INTS7: variants seen among roughly 807,000 people sequenced by gnomAD.
INTS7 encodes integrator complex subunit 7.
INTS7 carries 46 observed loss-of-function variants against 109.2 expected under a neutral mutation model. The ratio of observed to expected loss-of-function variants is 0.42; its 90% confidence interval spans 0.33 to 0.54. The LOEUF is 0.54. INTS7 is among the 20% of genes least tolerant of loss of function. The pLI, the probability that INTS7 is intolerant of heterozygous loss-of-function variation, is 0.07. For synonymous variants in INTS7, 412 were observed against 402.9 expected, an observed-to-expected ratio of 1.02 and a Z score of -0.27; for missense variants, 929 against 1,132.4, an observed-to-expected ratio of 0.82 and a Z score of 2.58.
At chr1:212,020,341 A>G (rs1666635075) in intron 2 of INTS7, 73 bp from the exon 3 acceptor site, 4 of 875,366 alleles carry the variant, frequency 4.6e-6, no homozygotes, top group Middle Eastern at 3.6e-4. Flanking sequence ...AACACTAATA[A>G]TATTAAATTT....
At chr1:211,963,932 T>A (rs1365065377) in intron 16 of INTS7, among the ~76,000 whole-genome samples, 1 of 151,974 alleles carries the variant, frequency 6.6e-6, no homozygotes. Context: ...AAAACCGGCA[T>A]AACAAAAGGA....
At chr1:211,948,084 G>GC (rs2102381998) in intron 17 of INTS7, among the ~76,000 whole-genome samples, 1 of 152,238 alleles carries the variant, frequency 6.6e-6, no homozygotes, top group East Asian at 1.9e-4. Flanking sequence ...ACTGCTGCAT[G>GC]CACCATGTGG....
chr1:211,984,537 T>C (rs888562690), intron 8 of INTS7, among the ~76,000 whole-genome samples: 1 of 152,174 alleles, frequency 6.6e-6, no homozygotes, highest in African/African-American at 2.4e-5. Flanking sequence ...ATATTCTGCT[T>C]TTAAAATCTA....
chr1:211,974,614 T>C (rs1014231023), intron 13 of INTS7, among the ~76,000 whole-genome samples: 1 of 152,102 alleles, frequency 6.6e-6, no homozygotes, highest in Non-Finnish European at 1.5e-5. Flanking sequence ...GGTTCCTACT[T>C]AGGAATATAA....
intron 1 of INTS7, among the ~76,000 whole-genome samples, chr1:212,023,877 C>CTTGAG (rs200990918): frequency 0.017 from 2,590 of 152,166 alleles, 65 homozygotes; most frequent in African/African-American, 0.058. Flanking sequence ...TTTAATCCAC[C>CTTGAG]TTAATTTTTG....
rs773865685 is a variant in INTS7, at chr1:211,987,904, A to T, written c.979T>A (p.Tyr327Asn). Residue 327 changes from tyrosine to asparagine, a missense_variant, in exon 8 of 20, where the codon TAC (tyrosine) becomes AAC (asparagine). Physicochemically the swap from Tyr to Asn is moderately radical, Grantham distance 143. Around this residue, in one of 2 missense-constraint regions of INTS7, gnomAD observed 787 missense variants for 901.1 expected, o/e 0.87. Transcript: ENST00000366994. Reference sequence around the variant, plus strand: ...TCCTTACCTGGAACTATACTGAAGTAATGTTTGATGGCGATGGTCCCTGAT... The same window carrying T: ...TCCTTACCTGGAACTATACTGAAGTTATGTTTGATGGCGATGGTCCCTGAT... ...TLSGTIAIKHYFSIVPGNVSS... is the reference protein window; with the variant it reads ...TLSGTIAIKHNFSIVPGNVSS... The T allele has an allele frequency of 1.3e-6, 2 of 1,590,320 alleles. No individual in the cohort carries two copies. The highest frequency in any genetic ancestry group is 2.2e-5 in the South Asian group (2 of 90,436).
chr1:212,016,378 T>C (rs1191715144), intron 4 of INTS7, among the ~76,000 whole-genome samples: 1 of 152,214 alleles, frequency 6.6e-6, no homozygotes, highest in African/African-American at 2.4e-5. Context: ...AATAAAACCA[T>C]GGTCAACATT....
In INTS7 at chr1:211,952,589, A is replaced by C; in HGVS notation, c.2296T>G (p.Tyr766Asp). 1.2e-6 allele frequency: 2 copies of C among 1,613,194 alleles called. No homozygotes were observed. The highest frequency in any genetic ancestry group is 1.7e-6 in the Non-Finnish European group (2 of 1,179,700). Reference protein sequence around the residue: ...LEEVESLNRKYTPVSYMHTAC... With the variant: ...LEEVESLNRKDTPVSYMHTAC... Reference sequence around the variant, plus strand: ...CTTGCCATATAAGAAACAGGGGTATATTTCCGATTGAGTGATTCTACCTCC... The same window carrying C: ...CTTGCCATATAAGAAACAGGGGTATCTTTCCGATTGAGTGATTCTACCTCC... Residue 766 changes from tyrosine to aspartate, a missense_variant, in exon 17 of 20, where the codon TAT (tyrosine) becomes GAT (aspartate). By Grantham distance (160) the Tyr-to-Asp change is radical (BLOSUM62 -3). Around this residue, in one of 2 missense-constraint regions of INTS7, gnomAD observed 787 missense variants for 901.1 expected, o/e 0.87. Transcript: ENST00000366994.
chr1:212,010,805 C>G (rs968487126), intron 5 of INTS7, among the ~76,000 whole-genome samples: 1 of 152,148 alleles, frequency 6.6e-6, no homozygotes, highest in Non-Finnish European at 1.5e-5. Context: ...CCTAAGTGTA[C>G]AGTTGGCTAT....
intron 13 of INTS7, among the ~76,000 whole-genome samples, chr1:211,969,787 C>T (rs929071764): frequency 9.3e-5 from 14 of 150,964 alleles, no homozygotes; most frequent in Admixed American, 8.0e-4. Flanking sequence ...GGCACGATCT[C>T]GGCTCACTGC....
chr1:211,951,588 G>A (rs1036426456), intron 17 of INTS7, among the ~76,000 whole-genome samples: 1 of 152,178 alleles, frequency 6.6e-6, no homozygotes, highest in African/African-American at 2.4e-5. Context: ...TTACAGGCGT[G>A]AGCCACCGCA....
At chr1:211,962,223 C>T (rs1263865789) in intron 16 of INTS7, among the ~76,000 whole-genome samples, 1 of 144,538 alleles carries the variant, frequency 6.9e-6, no homozygotes, top group Non-Finnish European at 1.5e-5. Context: ...AGTTGCAATC[C>T]TAAATCAGAC....
intron 16 of INTS7, among the ~76,000 whole-genome samples, chr1:211,963,053 T>A (rs1663712449): frequency 6.6e-6 from 1 of 151,802 alleles, no homozygotes; most frequent in Non-Finnish European, 1.5e-5. Flanking sequence ...ACAAAAAAAA[T>A]TCAAAAGATC....
intron 4 of INTS7, among the ~76,000 whole-genome samples, chr1:212,012,364 G>A (rs1484926325): frequency 1.1e-4 from 17 of 151,974 alleles, no homozygotes; most frequent in Non-Finnish European, 1.5e-5. Context: ...GATCAATACA[G>A]ATACTAGAAA....
intron 8 of INTS7, 31 bp from the exon 9 acceptor site, chr1:211,982,841 GT>G (rs1664722372): frequency 6.4e-7 from 1 of 1,568,386 alleles, no homozygotes; most frequent in Admixed American, 1.8e-5. Flanking sequence ...AGTAGAAATT[GT>G]AATTCAAATA....
At chr1:211,999,230 C>T (rs1384585774) in intron 7 of INTS7, among the ~76,000 whole-genome samples, 1 of 152,190 alleles carries the variant, frequency 6.6e-6, no homozygotes, top group African/African-American at 2.4e-5. Flanking sequence ...TGTCCATCAA[C>T]TTATGAACAG....
chr1:211,961,121 G>A (rs138759820), intron 16 of INTS7, among the ~76,000 whole-genome samples: 19 of 152,044 alleles, frequency 1.2e-4, no homozygotes, highest in Non-Finnish European at 2.5e-4. Context: ...CTGATGTCCT[G>A]AAAGAGATAG....
At position 211,946,463 on chromosome 1, in the gene INTS7, G is replaced by C. The variant is rs531707111; in HGVS notation, c.2415+144C>G. 1.9e-6 allele frequency: 1 copy of C among 536,996 alleles called. No individual in the cohort carries two copies. The highest frequency in any genetic ancestry group is 3.3e-5 in the East Asian group (1 of 30,204). 33.3% of individuals were successfully genotyped at this position (536,996 alleles called of 1,614,324 possible). A position where few individuals can be genotyped will look rare whatever the true frequency, so the allele number is the denominator to read the frequency against. ...TGTACTCCAGCCCAGGCGACAGGGC[G>C]AGACTCTGTCTCAAAAAACAAAACA... On this transcript the variant is annotated intron_variant, in intron 18 of 19. Transcript: ENST00000366994. This position sits in a 1 kb window ranked among gnomAD's most constrained non-coding sequence, Gnocchi z 4.3.
At chr1:211,980,975 T>G (rs1216181195) in intron 10 of INTS7, 118 bp downstream of exon 10, 1 of 554,704 alleles carries the variant, frequency 1.8e-6, no homozygotes. Flanking sequence ...ATCAGTTAGA[T>G]TTAATCACTT....
Sources: gnomAD v4.1 joint callset for allele counts (sites outside exome capture counted in the v4.1 genomes callset) on GRCh38, gnomAD v4.1.1 for gene constraint, gnomAD v4.1.1 regional missense constraint, Gnocchi (gnomAD v3.1) non-coding constraint, MANE v1.5 for transcripts, NCBI Gene and HGNC (gene_info 2026-07-23, HGNC 2026-07-21) for gene names.